ZFP92: variants seen among roughly 807,000 people sequenced by gnomAD.
The protein encoded by ZFP92 is ZFP92 zinc finger protein.
A neutral mutation model predicts 7.6 loss-of-function variants in ZFP92; 2 were observed. That is an observed-to-expected ratio of 0.26 (90% CI 0.11 to 0.83). The LOEUF is 0.83. ZFP92 is among the 40% of genes least tolerant of loss of function. The probability of loss-of-function intolerance (pLI) is 0.65; values close to 1 mark genes in which losing one functional copy is unlikely to be tolerated. For missense variants in ZFP92, 324 were observed against 408.3 expected (o/e 0.79, Z 1.78); for synonymous variants, 226 against 183.6 (o/e 1.23, Z -1.87).
intron 3 of ZFP92, 84 bp from the exon 4 acceptor site, chrX:153,418,589 G>C: frequency 1.8e-6 from 2 of 1,113,695 alleles, no homozygotes; most frequent in South Asian, 2.1e-5. Context: ...GGCTCCCCCC[G>C]CCCCCCACAT....
In ZFP92 at chrX:153,418,767, T is replaced by C. The variant is rs1318572302; in HGVS notation, c.128T>C (p.Met43Thr). 8.6e-7 allele frequency: 1 copy of C among 1,167,979 alleles called. No homozygotes were observed. The highest frequency in any genetic ancestry group is 1.1e-6 in the Non-Finnish European group (1 of 873,090). Residue 43 changes from methionine to threonine, a missense_variant, in exon 4 of 6, where the codon ATG becomes ACG. Transcript: ENST00000338647. ...LRQKVLYKRV[M>T]LENYSHLVSL... ...CAAAAGGTCCTCTACAAGCGGGTGATGCTGGAGAACTATAGCCATTTGGTG... is the reference window on the plus strand; with the variant it reads ...CAAAAGGTCCTCTACAAGCGGGTGACGCTGGAGAACTATAGCCATTTGGTG...
intron 2 of ZFP92, among the ~76,000 whole-genome samples, 83 bp downstream of exon 2, chrX:153,412,096 C>T (rs1457636248): frequency 1.8e-5 from 2 of 112,824 alleles, no homozygotes; most frequent in African/African-American, 6.4e-5. Flanking sequence ...GCCCAGGCAC[C>T]GGCCCTGAGG....
chrX:153,421,243 A>G lies in ZFP92; in HGVS notation c.866A>G (p.Glu289Gly), dbSNP rs1460432444. 7.6e-6 allele frequency: 9 copies of G among 1,178,086 alleles called. No individual in the cohort carries two copies. The highest frequency in any genetic ancestry group is 1.0e-5 in the Non-Finnish European group (9 of 879,187). ...GAGCACCAGCGCACGCACCGCGGCG[A>G]GAAGCCCTACGCCTGCGGCCAGTGC... ...LIEHQRTHRG[E>G]KPYACGQCAK... The change falls in exon 6 of 6, where the codon GAG becomes GGG. Residue 289 changes from glutamate to glycine, a missense_variant. Physicochemically the swap from Glu to Gly is moderately conservative, Grantham distance 98. Transcript: ENST00000338647.
At position 153,420,262 on chromosome X, in the gene ZFP92, A is replaced by G; in HGVS notation, c.195A>G (p.Gln65=). 9 of 1,167,341 alleles carry G rather than the reference A, an allele frequency of 7.7e-6. No individual in the cohort carries two copies. The highest frequency in any genetic ancestry group is 1.0e-5 in the Non-Finnish European group (9 of 872,761). ...TCTCCAAGCCTCACCTGATCTCCCA[A>G]TTGGAACGAGGGGAAGGACCCTGGG... ...FSFSKPHLIS[Q]LERGEGPWVA... is the part of the protein sequence containing the mutation. The change falls in exon 5 of 6, where the codon CAA becomes CAG. Residue 65 remains glutamine, a synonymous_variant. Coordinates refer to ENST00000338647, the MANE Select transcript of ZFP92 (RefSeq NM_001136273.2).
chrX:153,413,102 T>C (rs782076787), intron 2 of ZFP92, among the ~76,000 whole-genome samples: 2 of 110,873 alleles, frequency 1.8e-5, no homozygotes, highest in Non-Finnish European at 1.9e-5. Context: ...GGAAAGCTGA[T>C]GGGGCTGAGA....
chrX:153,411,715 G>A lies in ZFP92; in HGVS notation c.-68+12G>A, dbSNP rs188510069. ...CCCGCCGAGCCCAGGTAAGAGGGCC[G>A]AGCTGGGCCGCAGGGGTGCGGGTAA... On this transcript the variant is annotated intron_variant, in intron 1 of 5. Transcript: ENST00000338647. 8.8e-6 allele frequency among the ~76,000 whole-genome samples: 1 copy of A among 113,132 alleles called. No homozygotes were observed. Among genetic ancestry groups the A allele is most frequent in the Non-Finnish European group, 1.9e-5 (1 of 53,216 alleles).
rs1266159082 is a variant in ZFP92, at chrX:153,423,386, AAT to A, written c.*1759_*1760del. On this transcript the variant is annotated 3_prime_UTR_variant, in exon 6 of 6. Transcript: ENST00000338647. ...CAGTCACTAGGACAACTCCAGAAAT[AAT>A]GTTATACACACACACACACACACAC... The A allele has an allele frequency of 6.8e-5, 6 of 88,846 alleles. No homozygotes were observed. Among genetic ancestry groups the A allele is most frequent in the African/African-American group, 2.1e-4 (5 of 23,406 alleles). The allele number at this position is 88,846 out of a possible 1,213,427, so 7.3% of individuals were successfully genotyped here.
rs185881919 is a variant in ZFP92, at chrX:153,425,434, G to C, written c.*3806G>C. 8.9e-6 allele frequency: 1 copy of C among 112,004 alleles called. No individual in the cohort carries two copies. Among genetic ancestry groups the C allele is most frequent in the African/African-American group, 3.2e-5 (1 of 30,806 alleles). The allele number at this position is 112,004 out of a possible 1,213,427, so 9.2% of individuals were successfully genotyped here. A position where few individuals can be genotyped will look rare whatever the true frequency, so the allele number is the denominator to read the frequency against. ...AAGGGTCAGTTAGAACCAGAGTATG[G>C]AGAGTCTGGGATGCCATATACAAAA... On this transcript the variant is annotated 3_prime_UTR_variant, in exon 6 of 6. Coordinates refer to ENST00000338647, the MANE Select transcript of ZFP92 (RefSeq NM_001136273.2).
In ZFP92 at chrX:153,411,537, C is replaced by T. The variant is rs1158646280; in HGVS notation, c.-234C>T. Among the ~76,000 whole-genome samples, 1 of 112,753 alleles carries T rather than the reference C, an allele frequency of 8.9e-6. No homozygotes were observed. Among genetic ancestry groups the T allele is most frequent in the Non-Finnish European group, 1.9e-5 (1 of 53,123 alleles). On this transcript the variant is annotated 5_prime_UTR_variant, in exon 1 of 6. Coordinates refer to ENST00000338647, the MANE Select transcript of ZFP92 (RefSeq NM_001136273.2). Reference sequence around the variant, plus strand: ...TCCCCTTCAGGACGCTCTTCGCGAGCGGTACCCAGAGGCGAAGTCGAGACA... The same window carrying T: ...TCCCCTTCAGGACGCTCTTCGCGAGTGGTACCCAGAGGCGAAGTCGAGACA...
chrX:153,421,764 C>A lies in ZFP92; in HGVS notation c.*136C>A. 1.3e-6 allele frequency: 1 copy of A among 769,041 alleles called. No individual in the cohort carries two copies. The highest frequency in any genetic ancestry group is 1.6e-6 in the Non-Finnish European group (1 of 615,835). 63.4% of individuals were successfully genotyped at this position (769,041 alleles called of 1,213,427 possible). ...GCGGCCACAGCCCTGACCTCTTTGG[C>A]CATCAGAAGACCCCAGGCAGAGCCT... On this transcript the variant is annotated 3_prime_UTR_variant, in exon 6 of 6. Transcript: ENST00000338647.
At chrX:153,418,652 C>T in intron 3 of ZFP92, 21 bp from the exon 4 acceptor site, 2 of 1,166,457 alleles carry the variant, frequency 1.7e-6, no homozygotes. Flanking sequence ...CCCCTGTGGC[C>T]ACAAGAATGC....
In ZFP92 at chrX:153,421,375, C is replaced by T; in HGVS notation, c.998C>T (p.Ser333Leu). The change falls in exon 6 of 6, where the codon TCG (serine) becomes TTG (leucine). Residue 333 changes from serine to leucine, a missense_variant. Coordinates refer to ENST00000338647, the MANE Select transcript of ZFP92 (RefSeq NM_001136273.2). ...RECGKAFRGR[S>L]GLSQHRRVHS... ...TGCGGCAAGGCCTTCCGTGGCCGTTCGGGCCTCAGCCAGCACCGGCGCGTG... is the reference window on the plus strand; with the variant it reads ...TGCGGCAAGGCCTTCCGTGGCCGTTTGGGCCTCAGCCAGCACCGGCGCGTG... The T allele has an allele frequency of 8.6e-7, 1 of 1,158,814 alleles. No individual in the cohort carries two copies. Among genetic ancestry groups the T allele is most frequent in the Non-Finnish European group, 1.1e-6 (1 of 872,652 alleles).
At chrX:153,420,477 G>A in intron 5 of ZFP92, 145 bp downstream of exon 5, 2 of 890,490 alleles carry the variant, frequency 2.2e-6, no homozygotes, top group South Asian at 2.6e-5. Flanking sequence ...CAGCAGCCCC[G>A]CTATCTCCAG....
chrX:153,421,619 C>T lies in ZFP92; in HGVS notation c.1242C>T (p.Ser414=). ...CAGCCGCCAGGCCTTCCAGGCCCAGCCGCCGCTGACTCCCCGCCAGCGCAC... is the reference window on the plus strand; with the variant it reads ...CAGCCGCCAGGCCTTCCAGGCCCAGTCGCCGCTGACTCCCCGCCAGCGCAC... ...PSTAARPSRP[S]RR Residue 414 remains serine (S), a synonymous_variant, in exon 6 of 6, where the codon AGC becomes AGT. Coordinates refer to ENST00000338647, the MANE Select transcript of ZFP92 (RefSeq NM_001136273.2). 1.0e-6 allele frequency: 1 copy of T among 987,166 alleles called. No homozygotes were observed. The highest frequency in any genetic ancestry group is 1.3e-6 in the Non-Finnish European group (1 of 787,504). 81.4% of individuals were successfully genotyped at this position (987,166 alleles called of 1,213,427 possible).
intron 2 of ZFP92, among the ~76,000 whole-genome samples, chrX:153,416,439 G>T (rs996459317): frequency 8.9e-6 from 1 of 111,762 alleles, no homozygotes; most frequent in East Asian, 2.8e-4. Context: ...ATGTTGGCTG[G>T]CAGGTCATCA....
Position 153,421,548 on chromosome X carries a change from G to T in ZFP92, c.1171G>T (p.Gly391Cys), listed in dbSNP as rs1225127862. 4.6e-6 allele frequency: 5 copies of T among 1,093,415 alleles called. No individual in the cohort carries two copies. The highest frequency in any genetic ancestry group is 3.5e-6 in the Non-Finnish European group (3 of 845,961). The allele number at this position is 1,093,415 out of a possible 1,213,427, so 90.1% of individuals were successfully genotyped here. ...GAGGCTAGCGGGCCCTGGGAGCACC[G>T]GCCCTGGGAGCGCGGTGGCGGCCAC... ...ARRLAGPGST[G>C]PGSAVAATSP... is the part of the protein sequence containing the mutation. Residue 391 changes from glycine (G) to cysteine (C), a missense_variant, in exon 6 of 6, where the codon GGC (glycine) becomes TGC (cysteine). Physicochemically the swap from Gly to Cys is radical, Grantham distance 159 (BLOSUM62 -3). Transcript: ENST00000338647.
chrX:153,415,956 C>T (rs951112716), intron 2 of ZFP92, among the ~76,000 whole-genome samples: 11 of 111,322 alleles, frequency 9.9e-5, no homozygotes, highest in South Asian at 3.8e-4. Context: ...CTCTCATTTA[C>T]GCCAGCATCT....
At chrX:153,416,563 C>T (rs1416719831) in intron 2 of ZFP92, among the ~76,000 whole-genome samples, 2 of 111,361 alleles carry the variant, frequency 1.8e-5, no homozygotes, top group Non-Finnish European at 3.8e-5. Flanking sequence ...GTTGTTGGCA[C>T]AAACAAACTG....
Position 153,424,090 on chromosome X carries a change from G to A in ZFP92, c.*2462G>A, listed in dbSNP as rs1028127342. ...TGGTTCTGATGCATAAGTGAACCCT[G>A]TTTTTAACGGAAGCTCCTTTTTTTT... On this transcript the variant is annotated 3_prime_UTR_variant, in exon 6 of 6. Transcript: ENST00000338647. 8.9e-6 allele frequency: 1 copy of A among 112,597 alleles called. No individual in the cohort carries two copies. The highest frequency in any genetic ancestry group is 3.2e-5 in the African/African-American group (1 of 30,965). The allele number at this position is 112,597 out of a possible 1,213,427, so 9.3% of individuals were successfully genotyped here.
Sources: gnomAD v4.1 joint callset for allele counts (sites outside exome capture counted in the v4.1 genomes callset) on GRCh38, gnomAD v4.1.1 for gene constraint, MANE v1.5 for transcripts, NCBI Gene and HGNC (gene_info 2026-07-23, HGNC 2026-07-21) for gene names.